The following EZR variants were observed in gnomAD, a reference collection of about 807,000 sequenced individuals.
The protein encoded by EZR is ezrin, also known as cytovillin 2.
A neutral mutation model predicts 74.8 loss-of-function variants in EZR; 40 were observed. That is an observed-to-expected ratio of 0.53 (90% CI 0.42 to 0.70). The LOEUF (loss-of-function observed/expected upper bound fraction) is 0.70. Ranked by LOEUF, EZR falls within the 30% of genes least tolerant of loss-of-function variation. The pLI is 0.00. For missense variants in EZR, 678 were observed against 755.8 expected (o/e 0.90, Z 1.21); for synonymous variants, 341 against 283.3 (o/e 1.20, Z -2.05).
intron 2 of EZR, among the ~76,000 whole-genome samples, chr6:158,801,880 T>C (rs990099553): frequency 1.3e-5 from 2 of 152,178 alleles, no homozygotes; most frequent in African/African-American, 2.4e-5. Context: ...CAGACCAGTG[T>C]TAGCTGCTGT....
rs148083995 is a variant in EZR, at chr6:158,771,669, G to A, written c.796-262C>T. The stretch of plus-strand genomic sequence containing the variant: ...CGGGTGGAGGAAGGGCAGGTGCCGC[G>A]TGTGTGTGCAGTTGTGTGTGGGTAG... On this transcript the variant is annotated intron_variant, in intron 8 of 13. Coordinates refer to ENST00000367075, the MANE Select transcript of EZR (RefSeq NM_001111077.2). Among the ~76,000 whole-genome samples the A allele has an allele frequency of 5.3e-5, 8 of 152,286 alleles. No homozygotes were observed. In the East Asian group the frequency reaches 1.4e-3, roughly 26 times the overall value.
intron 7 of EZR, among the ~76,000 whole-genome samples, chr6:158,778,361 T>C (rs775428867): frequency 9.2e-5 from 14 of 152,218 alleles, no homozygotes; most frequent in Admixed American, 3.9e-4. Context: ...TCTTAGGACT[T>C]TGAAACCTCA....
At chr6:158,787,056 G>C in intron 4 of EZR, 52 bp downstream of exon 4, 1 of 1,420,416 alleles carries the variant, frequency 7.0e-7, no homozygotes, top group Non-Finnish European at 9.9e-7. Context: ...CCTTATCGAT[G>C]AAGCAGACCA....
intron 2 of EZR, among the ~76,000 whole-genome samples, chr6:158,793,363 C>A (rs1380659365): frequency 6.6e-6 from 1 of 152,008 alleles, no homozygotes; most frequent in Non-Finnish European, 1.5e-5. Flanking sequence ...TTTGGGGACA[C>A]ACCAGAACCT....
intron 7 of EZR, among the ~76,000 whole-genome samples, chr6:158,781,769 T>C (rs542510486): frequency 1.3e-5 from 2 of 148,488 alleles, no homozygotes; most frequent in African/African-American, 5.0e-5. Flanking sequence ...CCCACTTCTT[T>C]AAAATTTTTT....
intron 13 of EZR, 54 bp from the exon 14 acceptor site, chr6:158,767,132 C>A (rs1038381051): frequency 1.9e-6 from 3 of 1,602,392 alleles, no homozygotes; most frequent in Middle Eastern, 1.7e-4. Flanking sequence ...TGGCCCGGCC[C>A]GTCCCCTAGG....
intron 2 of EZR, among the ~76,000 whole-genome samples, chr6:158,802,915 C>T (rs1349333365): frequency 6.6e-6 from 1 of 152,074 alleles, no homozygotes; most frequent in East Asian, 1.9e-4. Context: ...TCCTAGGGGC[C>T]GTGTCTCCTA....
intron 2 of EZR, among the ~76,000 whole-genome samples, chr6:158,799,381 T>C (rs1777144689): frequency 6.6e-6 from 1 of 152,200 alleles, no homozygotes; most frequent in Non-Finnish European, 1.5e-5. Flanking sequence ...GAACCTGCCA[T>C]CAGGAAAACG....
chr6:158,809,216 G>A (rs1777403119), intron 2 of EZR, among the ~76,000 whole-genome samples: 1 of 113,186 alleles, frequency 8.8e-6, no homozygotes, highest in Admixed American at 7.8e-5. Context: ...GCAGTAAAGT[G>A]GGGCACGGCA....
intron 8 of EZR, among the ~76,000 whole-genome samples, chr6:158,775,967 C>T (rs754749072): frequency 3.3e-5 from 5 of 152,156 alleles, no homozygotes; most frequent in Non-Finnish European, 7.3e-5. Context: ...CCCGATGAAA[C>T]CTTGGGCACC....
intron 2 of EZR, among the ~76,000 whole-genome samples, chr6:158,802,905 T>A (rs1350987867): frequency 6.6e-6 from 1 of 151,984 alleles, no homozygotes; most frequent in African/African-American, 2.4e-5. Flanking sequence ...ATGTCCAGTA[T>A]CCTAGGGGCC....
At chr6:158,769,674 C>G (rs958771217) in intron 11 of EZR, 110 bp downstream of exon 11, 1 of 1,449,452 alleles carries the variant, frequency 6.9e-7, no homozygotes. Flanking sequence ...CCCAGCAGAT[C>G]AGTTTACAGC....
At chr6:158,778,217 C>T (rs1791335192) in intron 7 of EZR, among the ~76,000 whole-genome samples, 2 of 152,190 alleles carry the variant, frequency 1.3e-5, no homozygotes, top group South Asian at 2.1e-4. Flanking sequence ...TGTGAGCCAG[C>T]GTGCCGCATC....
chr6:158,778,218 G>A (rs1240130925), intron 7 of EZR, among the ~76,000 whole-genome samples: 2 of 152,308 alleles, frequency 1.3e-5, no homozygotes, highest in Non-Finnish European at 1.5e-5. Context: ...GTGAGCCAGC[G>A]TGCCGCATCC....
At chr6:158,776,790 T>G (rs1302896166) in intron 7 of EZR, among the ~76,000 whole-genome samples, 1 of 152,180 alleles carries the variant, frequency 6.6e-6, no homozygotes, top group Non-Finnish European at 1.5e-5. Context: ...CGAGGTCAAC[T>G]GAAATTCCTA....
At position 158,767,525 on chromosome 6, in the gene EZR, A is replaced by C. The variant is rs112479787; in HGVS notation, c.1345-13T>G. The C allele has an allele frequency of 6.1e-4, 958 of 1,559,470 alleles. 6 individuals are homozygous for C. The African/African-American group carries it at 0.011, about 18-fold the overall frequency. ...GGGCTTCTTTGGCCTTTGGAAAGCA[A>C]ATTAATAAGAGGACTTCTCACCCAG... On this transcript the variant is annotated splice_polypyrimidine_tract_variant and intron_variant, in intron 12 of 13. Coordinates refer to ENST00000367075, the MANE Select transcript of EZR (RefSeq NM_001111077.2).
At chr6:158,796,649 G>GT (rs1562501256) in intron 2 of EZR, among the ~76,000 whole-genome samples, 1 of 106,788 alleles carries the variant, frequency 9.4e-6, no homozygotes, top group East Asian at 2.0e-4. Flanking sequence ...GGGATATGCT[G>GT]TGGGGGCAGT....
chr6:158,815,424 A>T (rs1391993812), intron 2 of EZR, among the ~76,000 whole-genome samples: 1 of 152,202 alleles, frequency 6.6e-6, no homozygotes, highest in Non-Finnish European at 1.5e-5. Context: ...GGCAGGGAGA[A>T]ATTTCCCATG....
chr6:158,816,851 C>G (rs1420776740), intron 2 of EZR, among the ~76,000 whole-genome samples: 1 of 152,038 alleles, frequency 6.6e-6, no homozygotes, highest in Non-Finnish European at 1.5e-5. Flanking sequence ...TTTGGGAGGT[C>G]GAGGTAGGCA....
Sources: gnomAD v4.1 joint callset for allele counts (sites outside exome capture counted in the v4.1 genomes callset) on GRCh38, gnomAD v4.1.1 for gene constraint, MANE v1.5 for transcripts, NCBI Gene and HGNC (gene_info 2026-07-23, HGNC 2026-07-21) for gene names.